Variants in PHACTR2 observed in about 807,000 individuals in gnomAD.
PHACTR2 encodes the protein phosphatase and actin regulator 2, also known as chromosome 6 open reading frame 56.
Under a neutral mutation model 76.0 loss-of-function variants are expected in PHACTR2, and 30 were observed. The observed-to-expected ratio is 0.39, with a 90% CI of 0.30 to 0.54. The LOEUF is 0.54. Among genes scored for constraint, PHACTR2 ranks in the 20% least tolerant of loss-of-function variants. The pLI, the probability that PHACTR2 is intolerant of heterozygous loss-of-function variation, is 0.61. For missense variants in PHACTR2, 696 were observed against 781.1 expected (o/e 0.89, Z 1.30); for synonymous variants, 292 against 292.5 (o/e 1.00, Z 0.02).
At chr6:143,763,424 G>A (rs1339845798) in intron 5 of PHACTR2, among the ~76,000 whole-genome samples, 1 of 152,182 alleles carries the variant, frequency 6.6e-6, no homozygotes, top group African/African-American at 2.4e-5. Context: ...AAAGGATTCT[G>A]TTTAACTTAG....
Position 143,683,034 on chromosome 6 carries a change from T to C in PHACTR2, c.46+4825T>C, listed in dbSNP as rs951327327. 3.3e-5 allele frequency among the ~76,000 whole-genome samples: 5 copies of C among 152,222 alleles called. No homozygotes were observed. The highest frequency in any genetic ancestry group is 1.5e-5 in the Non-Finnish European group (1 of 68,030). On this transcript the variant is annotated intron_variant, in intron 1 of 12. Transcript: ENST00000440869. This position sits in a 1 kb window ranked among gnomAD's most constrained non-coding sequence, Gnocchi z 4.1. ...ACCAACCTTGCATTCCTAGGATAAA[T>C]CCCACTTGGGTAATGTGTATAATCC...
At position 143,597,823 on chromosome 6, in the gene PHACTR2, T is replaced by G. The variant is rs990847537; in HGVS notation, c.217+60616T>G. 1.3e-5 allele frequency among the ~76,000 whole-genome samples: 2 copies of G among 152,210 alleles called. No individual in the cohort carries two copies. The highest frequency in any genetic ancestry group is 4.8e-5 in the African/African-American group (2 of 41,444). On this transcript the variant is annotated intron_variant, in intron 1 of 11. Coordinates refer to the PHACTR2 transcript ENST00000367584. This position sits in a 1 kb window ranked among gnomAD's most constrained non-coding sequence, Gnocchi z 5.7. ...TTATATTGACATTCTTTTTTATAAT[T>G]TCGCTACCATTTTATCCTGAGAAAT...
chr6:143,595,169 G>A lies in PHACTR2; in HGVS notation c.217+57962G>A, dbSNP rs1381924677. Among the ~76,000 whole-genome samples, 1 of 152,174 alleles carries A rather than the reference G, an allele frequency of 6.6e-6. No individual in the cohort carries two copies. The highest frequency in any genetic ancestry group is 1.9e-4 in the East Asian group (1 of 5,202). ...CATTTGATGCAAAATATAGATGGACGAGGAATGATGTTGCTTATTAAAAAG... is the reference window on the plus strand; with the variant it reads ...CATTTGATGCAAAATATAGATGGACAAGGAATGATGTTGCTTATTAAAAAG... On this transcript the variant is annotated intron_variant, in intron 1 of 11. Transcript: ENST00000367584. This position sits in a 1 kb window ranked among gnomAD's most constrained non-coding sequence, Gnocchi z 4.2.
In PHACTR2 at chr6:143,753,119, A is replaced by C. The variant is rs1319774230; in HGVS notation, c.296-635A>C. Among the ~76,000 whole-genome samples the C allele has an allele frequency of 6.6e-6, 1 of 151,562 alleles. No homozygotes were observed. Among genetic ancestry groups the C allele is most frequent in the Non-Finnish European group, 1.5e-5 (1 of 67,890 alleles). ...AGGACAACTTAGGGACTTTTTGGCTAGTTATATATAATAATTACCTGAGTA... is the reference window on the plus strand; with the variant it reads ...AGGACAACTTAGGGACTTTTTGGCTCGTTATATATAATAATTACCTGAGTA... On this transcript the variant is annotated intron_variant, in intron 3 of 12. Transcript: ENST00000440869. The surrounding 1 kb of genome is among the most constrained non-coding windows in gnomAD (Gnocchi z 4.6).
intron 10 of PHACTR2, among the ~76,000 whole-genome samples, chr6:143,788,202 C>T (rs545366960): frequency 4.7e-4 from 71 of 152,282 alleles, no homozygotes; most frequent in African/African-American, 1.6e-3. Flanking sequence ...TCGTGTACAT[C>T]GGTTTTTCTG....
intron 1 of PHACTR2, among the ~76,000 whole-genome samples, chr6:143,593,446 T>C (rs1048358011): frequency 6.6e-6 from 1 of 152,200 alleles, no homozygotes; most frequent in Non-Finnish European, 1.5e-5. Context: ...TCATTTCTGC[T>C]TCAAATAGTT....
At chr6:143,600,083 G>T (rs928253485) in intron 1 of PHACTR2, among the ~76,000 whole-genome samples, 2 of 152,222 alleles carry the variant, frequency 1.3e-5, no homozygotes, top group Non-Finnish European at 2.9e-5. Context: ...ACCTTTTTGA[G>T]TATGGATAGC....
At chr6:143,792,792 C>T (rs892071675) in intron 11 of PHACTR2, among the ~76,000 whole-genome samples, 1 of 152,170 alleles carries the variant, frequency 6.6e-6, no homozygotes, top group Non-Finnish European at 1.5e-5. Context: ...CCCGAGTCAT[C>T]AGTCTTCTTA....
chr6:143,586,400 A>G (rs1188821616), intron 1 of PHACTR2, among the ~76,000 whole-genome samples: 2 of 152,248 alleles, frequency 1.3e-5, no homozygotes, highest in Admixed American at 1.3e-4. Flanking sequence ...ATTTTTGTCC[A>G]TGGAATCAAA....
chr6:143,667,815 G>A (rs1363372506), intron 1 of PHACTR2, among the ~76,000 whole-genome samples: 1 of 152,222 alleles, frequency 6.6e-6, no homozygotes, highest in Admixed American at 6.5e-5. Flanking sequence ...ATCAAATCAT[G>A]TCATCTACAA....
At position 143,783,128 on chromosome 6, in the gene PHACTR2, TAG is replaced by T. The variant is rs1321168122; in HGVS notation, c.1646-88_1646-87del. 4.2e-6 allele frequency: 3 copies of T among 717,012 alleles called. No individual in the cohort carries two copies. In the African/African-American group the frequency reaches 5.4e-5, roughly 13 times the overall value. The allele number at this position is 717,012 out of a possible 1,614,324, so 44.4% of individuals were successfully genotyped here. ...GGTTGTGTGTTTGATCATTATTTGT[TAG>T]AGTCACATGATCGTGGCCTGATACA... On this transcript the variant is annotated intron_variant, in intron 9 of 12. Coordinates refer to ENST00000440869, the MANE Select transcript of PHACTR2 (RefSeq NM_001100164.2). This position sits in a 1 kb window ranked among gnomAD's most constrained non-coding sequence, Gnocchi z 5.2.
At chr6:143,756,563 G>T (rs75270520) in intron 4 of PHACTR2, among the ~76,000 whole-genome samples, 3 of 151,810 alleles carry the variant, frequency 2.0e-5, no homozygotes, top group East Asian at 1.9e-4. Context: ...GCCGGGCGTG[G>T]TGGCGGGCGC....
chr6:143,682,885 T>C (rs113431208), intron 1 of PHACTR2, among the ~76,000 whole-genome samples: 25 of 152,310 alleles, frequency 1.6e-4, no homozygotes, highest in African/African-American at 4.6e-4. Flanking sequence ...TGTCAGTGTT[T>C]TTATCATGAA....
chr6:143,795,471 C>T lies in PHACTR2; in HGVS notation c.1845+6561C>T, dbSNP rs940124220. The stretch of plus-strand genomic sequence containing the variant: ...TTTTAGAATATATGTACTTAGAGCA[C>T]TAGAAACAGATATATGTACAGTAAA... On this transcript the variant is annotated intron_variant, in intron 11 of 12. Transcript: ENST00000440869. This position sits in a 1 kb window ranked among gnomAD's most constrained non-coding sequence, Gnocchi z 4.8. Among the ~76,000 whole-genome samples, 1 of 152,138 alleles carries T rather than the reference C, an allele frequency of 6.6e-6. No homozygotes were observed. The highest frequency in any genetic ancestry group is 2.4e-5 in the African/African-American group (1 of 41,428).
chr6:143,715,703 C>G (rs733398), intron 2 of PHACTR2, among the ~76,000 whole-genome samples: 80,135 of 151,844 alleles, frequency 0.53, 21,358 homozygotes, highest in South Asian at 0.6. Flanking sequence ...AAAGTACTAT[C>G]TATAAATGCA....
chr6:143,763,367 C>CA (rs377695345), intron 5 of PHACTR2, among the ~76,000 whole-genome samples: 64 of 149,678 alleles, frequency 4.3e-4, no homozygotes, highest in Admixed American at 1.3e-3. Context: ...TCAAAAAAAA[C>CA]AAAAAAAAAG....
intron 2 of PHACTR2, among the ~76,000 whole-genome samples, chr6:143,737,501 C>T (rs908638542): frequency 4.6e-5 from 7 of 152,064 alleles, no homozygotes; most frequent in Non-Finnish European, 7.4e-5. Flanking sequence ...TAAATATATT[C>T]TTCCTTCTAC....
chr6:143,773,226 A>G (rs1333657155), intron 7 of PHACTR2, among the ~76,000 whole-genome samples: 3 of 152,100 alleles, frequency 2.0e-5, no homozygotes, highest in African/African-American at 7.2e-5. Flanking sequence ...AAATAATAAT[A>G]AAAAGAATGC....
chr6:143,740,628 A>G (rs1778920788), intron 2 of PHACTR2, among the ~76,000 whole-genome samples: 2 of 152,170 alleles, frequency 1.3e-5, no homozygotes, highest in Non-Finnish European at 1.5e-5. Flanking sequence ...TTCAAGTCTA[A>G]TAGTTGGGAG....
Sources: gnomAD v4.1 joint callset for allele counts (sites outside exome capture counted in the v4.1 genomes callset) on GRCh38, gnomAD v4.1.1 for gene constraint, Gnocchi (gnomAD v3.1) non-coding constraint, MANE v1.5 for transcripts, NCBI Gene and HGNC (gene_info 2026-07-23, HGNC 2026-07-21) for gene names.